Variants in ATP8A2 observed in about 807,000 individuals in gnomAD.
The protein encoded by ATP8A2 is ATPase phospholipid transporting 8A2.
A neutral mutation model predicts 165.6 loss-of-function variants in ATP8A2; 100 were observed. That is an observed-to-expected ratio of 0.60 (90% CI 0.51 to 0.71). The LOEUF (loss-of-function observed/expected upper bound fraction) is 0.71. Ranked by LOEUF, ATP8A2 falls within the 30% of genes least tolerant of loss-of-function variation. ATP8A2 has a pLI of 0.00. For missense variants in ATP8A2, 1,227 were observed against 1,479.5 expected, an observed-to-expected ratio of 0.83 and a Z score of 2.80; for synonymous variants, 543 against 548.8, an observed-to-expected ratio of 0.99 and a Z score of 0.15.
chr13:26,015,274 C>T (rs147902834), intron 36 of ATP8A2, among the ~76,000 whole-genome samples: 2,577 of 152,254 alleles, frequency 0.017, 37 homozygotes, highest in South Asian at 0.05. Context: ...AGAAGATCGT[C>T]GGGTGGTCAG....
chr13:25,809,947 G>A (rs1312366419), intron 27 of ATP8A2, among the ~76,000 whole-genome samples: 1 of 152,268 alleles, frequency 6.6e-6, no homozygotes, highest in Middle Eastern at 3.4e-3. Flanking sequence ...TAATTAATGT[G>A]TTGCCCCAGA....
At chr13:25,403,145 A>G (rs1465408438) in intron 1 of ATP8A2, among the ~76,000 whole-genome samples, 4 of 152,210 alleles carry the variant, frequency 2.6e-5, no homozygotes, top group Non-Finnish European at 5.9e-5. Flanking sequence ...GGACACAAGC[A>G]TTCCGACCAC....
In ATP8A2 at chr13:25,396,418, A is replaced by G. The variant is rs142388188; in HGVS notation, c.76+24130A>G. Reference sequence around the variant, plus strand: ...TAGTTTCTATGACCTACCTTGAGGAAGAGGGATTCTAGTTTTTATGGCTAG... The same window carrying G: ...TAGTTTCTATGACCTACCTTGAGGAGGAGGGATTCTAGTTTTTATGGCTAG... On this transcript the variant is annotated intron_variant, in intron 1 of 36. Coordinates refer to ENST00000381655, the MANE Select transcript of ATP8A2 (RefSeq NM_016529.6). Among the ~76,000 whole-genome samples, 38 of 152,278 alleles carry G rather than the reference A, an allele frequency of 2.5e-4. No homozygotes were observed. The East Asian group carries it at 6.9e-3, about 28-fold the overall frequency.
chr13:25,673,205 G>T (rs2137761539), intron 24 of ATP8A2, among the ~76,000 whole-genome samples: 1 of 152,314 alleles, frequency 6.6e-6, no homozygotes, highest in Non-Finnish European at 1.5e-5. Flanking sequence ...GCCTCTCACT[G>T]TTCCTGTGAT....
chr13:25,625,682 A>G (rs74919109), intron 24 of ATP8A2, among the ~76,000 whole-genome samples: 1 of 152,234 alleles, frequency 6.6e-6, no homozygotes, highest in Admixed American at 6.5e-5. Flanking sequence ...CAGAATGTTG[A>G]AAAAAGTGGA....
chr13:25,928,099 C>T (rs374242119), intron 33 of ATP8A2, among the ~76,000 whole-genome samples: 43 of 152,212 alleles, frequency 2.8e-4, no homozygotes, highest in African/African-American at 9.2e-4. Context: ...GTAAGTTCTA[C>T]AAACCCACAT....
chr13:25,412,490 A>C (rs1234344323), intron 1 of ATP8A2, among the ~76,000 whole-genome samples: 2 of 152,212 alleles, frequency 1.3e-5, no homozygotes, highest in African/African-American at 4.8e-5. Flanking sequence ...AAACTATATT[A>C]GATGCTAAAA....
At chr13:25,394,322 A>G (rs2033347181) in intron 1 of ATP8A2, among the ~76,000 whole-genome samples, 1 of 152,262 alleles carries the variant, frequency 6.6e-6, no homozygotes, top group Non-Finnish European at 1.5e-5. Context: ...TCAGGCAGGC[A>G]TCAACAAAGA....
chr13:25,862,059 C>T (rs1319480850), intron 32 of ATP8A2, among the ~76,000 whole-genome samples: 2 of 152,186 alleles, frequency 1.3e-5, no homozygotes, highest in Admixed American at 6.5e-5. Flanking sequence ...GTAAGGTCAC[C>T]TGTGACAGCA....
intron 6 of ATP8A2, among the ~76,000 whole-genome samples, chr13:25,536,931 G>A (rs1481770777): frequency 1.3e-5 from 2 of 152,194 alleles, no homozygotes; most frequent in African/African-American, 4.8e-5. Context: ...TCCTGTTTCA[G>A]ACATGACACG....
chr13:26,001,655 C>T (rs942276228), intron 35 of ATP8A2, among the ~76,000 whole-genome samples: 2 of 152,088 alleles, frequency 1.3e-5, no homozygotes, highest in African/African-American at 4.8e-5. Flanking sequence ...TGCTTTTTGG[C>T]TATTGTGTAT....
rs541771255 is a variant in ATP8A2 at position 25,954,316 on chromosome 13, C to T, written c.3184-7259C>T. Among the ~76,000 whole-genome samples the T allele has an allele frequency of 5.9e-5, 9 of 152,352 alleles. 1 individual carries two copies. In the East Asian group the frequency reaches 1.7e-3, roughly 29 times the overall value. ...CAGACTGCCTCTCTAGATTCCCCCT[C>T]TCTGGGCAGGGCATCTCTGAAAGAA... On this transcript the variant is annotated intron_variant, in intron 33 of 36. Coordinates refer to ENST00000381655, the MANE Select transcript of ATP8A2 (RefSeq NM_016529.6).
intron 21 of ATP8A2, among the ~76,000 whole-genome samples, chr13:25,579,378 G>C (rs889810248): frequency 1.3e-5 from 2 of 152,176 alleles, no homozygotes; most frequent in Non-Finnish European, 2.9e-5. Flanking sequence ...CTGGCTCTGC[G>C]TGCATGCACA....
At chr13:26,012,459 C>G (rs1016795629) in intron 35 of ATP8A2, 72 bp from the exon 36 acceptor site, 10 of 1,253,568 alleles carry the variant, frequency 8.0e-6, no homozygotes, top group East Asian at 2.8e-5. Flanking sequence ...CATCCCACCC[C>G]CTTCTGTCTG....
At chr13:25,530,470 A>C in intron 3 of ATP8A2, 92 bp from the exon 4 acceptor site, 2 of 736,200 alleles carry the variant, frequency 2.7e-6, no homozygotes, top group Non-Finnish European at 4.7e-6. Context: ...AGAACTGCAA[A>C]AGTGTGAAAC....
At chr13:25,649,169 T>C (rs1367915373) in intron 24 of ATP8A2, among the ~76,000 whole-genome samples, 3 of 152,204 alleles carry the variant, frequency 2.0e-5, no homozygotes, top group South Asian at 4.1e-4. Flanking sequence ...ACCCTTATTA[T>C]GTAGTTTAAC....
At chr13:25,581,363 G>A (rs74041031) in intron 22 of ATP8A2, among the ~76,000 whole-genome samples, 2,170 of 152,248 alleles carry the variant, frequency 0.014, 57 homozygotes, top group African/African-American at 0.05. Context: ...AAGATACTTG[G>A]ATTTTTTTTC....
intron 24 of ATP8A2, among the ~76,000 whole-genome samples, chr13:25,678,453 A>G (rs1225613816): frequency 6.6e-6 from 1 of 152,124 alleles, no homozygotes; most frequent in Non-Finnish European, 1.5e-5. Flanking sequence ...CCTAGACCCC[A>G]GATGCCAAGG....
intron 1 of ATP8A2, among the ~76,000 whole-genome samples, chr13:25,423,476 A>G (rs1179758806): frequency 6.6e-6 from 1 of 152,192 alleles, no homozygotes; most frequent in Non-Finnish European, 1.5e-5. Context: ...TTTGTATGAT[A>G]GAATTCTAAG....
Sources: gnomAD v4.1 joint callset for allele counts (sites outside exome capture counted in the v4.1 genomes callset) on GRCh38, gnomAD v4.1.1 for gene constraint, MANE v1.5 for transcripts, NCBI Gene and HGNC (gene_info 2026-07-23, HGNC 2026-07-21) for gene names.